ZC3H15: variants seen among roughly 807,000 people sequenced by gnomAD.
ZC3H15 encodes the protein zinc finger CCCH domain-containing protein 15.
Under a neutral mutation model 51.2 loss-of-function variants are expected in ZC3H15, and 15 were observed. That is an observed-to-expected ratio of 0.29 (90% confidence interval 0.20 to 0.45). The LOEUF (loss-of-function observed/expected upper bound fraction) is 0.45, where lower values mean the gene tolerates loss of function less well. Ranked by LOEUF, ZC3H15 falls within the 20% of genes least tolerant of loss-of-function variation. ZC3H15 has a pLI of 1.00. For synonymous variants in ZC3H15, 144 were observed against 162.8 expected (o/e 0.88, Z 0.88); for missense variants, 381 against 494.7 (o/e 0.77, Z 2.18).
At chr2:186,487,465 G>A (rs1234362787) in intron 1 of ZC3H15, 1 of 152,184 alleles carries the variant, frequency 6.6e-6, no homozygotes, top group Non-Finnish European at 1.5e-5. Context: ...TACCGCATAA[G>A]GTGTAAAGTC....
In ZC3H15 at chr2:186,507,476, TAAG is replaced by T. The variant is rs1425237122; in HGVS notation, c.1090+641_1090+643del. ...TGTAGCTCAGAGGAAGAGGATCTGG[TAAG>T]GAGGAGAAGTTGATGATAAAAGATT... On this transcript the variant is annotated intron_variant, in intron 9 of 9. Coordinates refer to ENST00000337859, the MANE Select transcript of ZC3H15 (RefSeq NM_018471.3). The T allele has an allele frequency of 9.9e-5, 45 of 456,564 alleles. No individual in the cohort carries two copies. In the East Asian group the frequency reaches 2.6e-3, roughly 27 times the overall value. 28.3% of individuals were successfully genotyped at this position (456,564 alleles called of 1,614,324 possible). A position where few individuals can be genotyped will look rare whatever the true frequency, so the allele number is the denominator to read the frequency against.
rs748647670 is a variant in ZC3H15 at position 186,505,525 on chromosome 2, A to G, written c.792A>G (p.Gln264=). Residue 264 remains glutamine (Q), a synonymous_variant, in exon 7 of 10, where the codon CAA becomes CAG. Transcript: ENST00000337859. ...SFLAWKKRKR[Q]EKIDKLEQDM... is the part of the protein sequence containing the mutation. ...TTGCCTGGAAGAAAAGGAAAAGACA[A>G]GAAAAGATTGATAAACTTGAACAAG... 2.5e-6 allele frequency: 4 copies of G among 1,606,556 alleles called. No individual in the cohort carries two copies. In the African/African-American group the frequency reaches 5.4e-5, roughly 22 times the overall value.
At chr2:186,508,111 A>G (rs1379026561) in intron 9 of ZC3H15, among the ~76,000 whole-genome samples, 2 of 152,310 alleles carry the variant, frequency 1.3e-5, no homozygotes, top group East Asian at 3.9e-4. Flanking sequence ...CAATCACAGC[A>G]TTACAACAGC....
intron 2 of ZC3H15, chr2:186,499,539 G>A: frequency 2.2e-6 from 1 of 454,730 alleles, no homozygotes; most frequent in South Asian, 1.6e-5. Context: ...TTGTTGACAT[G>A]TCTGTCATCC....
At position 186,486,302 on chromosome 2, in the gene ZC3H15, C is replaced by T; in HGVS notation, c.-81C>T. On this transcript the variant is annotated 5_prime_UTR_variant, in exon 1 of 10. Coordinates refer to ENST00000337859, the MANE Select transcript of ZC3H15 (RefSeq NM_018471.3). ...GTGCGGCGAGTGAGGCCCCGGTCTTCCTCCTCGTCCTGCCGCAGGGCCAGA... is the reference window on the plus strand; with the variant it reads ...GTGCGGCGAGTGAGGCCCCGGTCTTTCTCCTCGTCCTGCCGCAGGGCCAGA... The T allele has an allele frequency of 7.3e-7, 1 of 1,360,782 alleles. No homozygotes were observed. 84.3% of individuals were successfully genotyped at this position (1,360,782 alleles called of 1,614,324 possible).
intron 6 of ZC3H15, chr2:186,505,100 C>T (rs1451499108): frequency 6.5e-6 from 1 of 153,862 alleles, no homozygotes; most frequent in Non-Finnish European, 1.4e-5. Flanking sequence ...TTTTATTTCT[C>T]ATCTTCTCAG....
At chr2:186,504,450 C>T (rs1264749563) in intron 6 of ZC3H15, among the ~76,000 whole-genome samples, 6 of 152,144 alleles carry the variant, frequency 3.9e-5, no homozygotes, top group African/African-American at 1.4e-4. Flanking sequence ...TAAGTACTAG[C>T]TAATGGCTTA....
intron 1 of ZC3H15, among the ~76,000 whole-genome samples, chr2:186,493,813 C>A (rs1685236597): frequency 1.3e-5 from 2 of 150,656 alleles, no homozygotes. Flanking sequence ...ACATTTCCTT[C>A]ACTTTGTGCC....
chr2:186,499,545 C>T (rs1685342413), intron 2 of ZC3H15: 1 of 455,342 alleles, frequency 2.2e-6, no homozygotes. Flanking sequence ...ACATGTCTGT[C>T]ATCCTGCTAG....
chr2:186,494,429 C>G (rs1381017885), intron 1 of ZC3H15, among the ~76,000 whole-genome samples: 1 of 152,136 alleles, frequency 6.6e-6, no homozygotes, highest in East Asian at 1.9e-4. Flanking sequence ...AAAATGTGTT[C>G]AGTATCGTAT....
chr2:186,500,623 G>C (rs1202713245), intron 3 of ZC3H15: 2 of 497,766 alleles, frequency 4.0e-6, no homozygotes, highest in South Asian at 1.5e-5. Context: ...CCAAGTTTTT[G>C]GCACTGTTCT....
At chr2:186,504,277 C>A in intron 6 of ZC3H15, 63 bp downstream of exon 6, 1 of 1,312,764 alleles carries the variant, frequency 7.6e-7, no homozygotes, top group Non-Finnish European at 9.8e-7. Context: ...AATTCTAATA[C>A]TTACCACTTG....
chr2:186,503,177 T>A lies in ZC3H15; in HGVS notation c.534+590T>A, dbSNP rs112693737. 3.3e-3 allele frequency among the ~76,000 whole-genome samples: 502 copies of A among 152,304 alleles called. 1 individual carries two copies. Among genetic ancestry groups the A allele is most frequent in the African/African-American group, 0.012 (478 of 41,562 alleles). Reference sequence around the variant, plus strand: ...ATACTACATTCATACACATCTGTTATGTTTGTTTTTGGGGGCGGATACTGT... The same window carrying A: ...ATACTACATTCATACACATCTGTTAAGTTTGTTTTTGGGGGCGGATACTGT... On this transcript the variant is annotated intron_variant, in intron 5 of 9. Transcript: ENST00000337859.
intron 2 of ZC3H15, chr2:186,497,222 T>C: frequency 2.6e-6 from 1 of 385,998 alleles, no homozygotes; most frequent in Non-Finnish European, 4.9e-6. Context: ...TCTCATGTGT[T>C]TACAGATTTT....
At chr2:186,488,572 GTC>G (rs1378672274) in intron 1 of ZC3H15, 1 of 152,186 alleles carries the variant, frequency 6.6e-6, no homozygotes, top group African/African-American at 2.4e-5. Flanking sequence ...TGTGTTTAGT[GTC>G]TCTCTCTACT....
intron 4 of ZC3H15, among the ~76,000 whole-genome samples, chr2:186,501,937 C>T (rs1358270017): frequency 1.3e-5 from 2 of 152,126 alleles, no homozygotes; most frequent in African/African-American, 4.8e-5. Context: ...GTCTTGATCT[C>T]CTGACTTCGT....
Position 186,488,968 on chromosome 2 carries a change from G to A in ZC3H15, c.75+2511G>A, listed in dbSNP as rs182063392. On this transcript the variant is annotated intron_variant, in intron 1 of 9. Transcript: ENST00000337859. ...AACCTAACCTGCAGTACCGTTGGAT[G>A]TATGTCTTTGAGGCCATTTCTTTCT... The A allele has an allele frequency of 2.0e-4, 34 of 172,842 alleles. 1 individual carries two copies. In the East Asian group the frequency reaches 5.0e-3, roughly 25 times the overall value. The allele number at this position is 172,842 out of a possible 1,614,324, so 10.7% of individuals were successfully genotyped here. A position where few individuals can be genotyped will look rare whatever the true frequency, so the allele number is the denominator to read the frequency against.
In ZC3H15 at chr2:186,508,712, T is replaced by C. The variant is rs368934202; in HGVS notation, c.1260T>C (p.Asn420=). The C allele has an allele frequency of 1.6e-5, 26 of 1,613,980 alleles. No homozygotes were observed. The highest frequency in any genetic ancestry group is 2.1e-5 in the Non-Finnish European group (25 of 1,179,942). ...EDLDELEEEL[N]TLDLEE ...TGGATGAACTAGAAGAAGAATTAAA[T>C]ACACTTGATTTAGAAGAATGACACC... Residue 420 remains asparagine, a synonymous_variant, in exon 10 of 10, where the codon AAT becomes AAC. Transcript: ENST00000337859.
At chr2:186,508,037 T>C (rs1685495223) in intron 9 of ZC3H15, among the ~76,000 whole-genome samples, 1 of 152,172 alleles carries the variant, frequency 6.6e-6, no homozygotes, top group Non-Finnish European at 1.5e-5. Context: ...TAAGAAAAAG[T>C]AGCTGTATAG....
Sources: allele counts gnomAD v4.1 joint callset (sites outside exome capture counted in the v4.1 genomes callset), GRCh38; gene constraint gnomAD v4.1.1; transcripts MANE v1.5; gene names NCBI Gene and HGNC (gene_info 2026-07-23, HGNC 2026-07-21).